CSPP1: variants seen among roughly 807,000 people sequenced by gnomAD.
CSPP1 encodes centrosome and spindle pole associated protein 1, also known as centrosome and spindle pole-associated protein 1.
Under a neutral mutation model 164.4 loss-of-function variants are expected in CSPP1, and 126 were observed. The ratio of observed to expected loss-of-function variants is 0.77; its 90% confidence interval spans 0.66 to 0.89. The LOEUF (loss-of-function observed/expected upper bound fraction) is 0.89, where lower values mean the gene tolerates loss of function less well. Ranked by LOEUF, CSPP1 falls within the 40% of genes least tolerant of loss-of-function variation. The probability of loss-of-function intolerance (pLI) is 0.00; values close to 1 mark genes in which losing one functional copy is unlikely to be tolerated. For missense variants in CSPP1, 1,395 were observed against 1,449.8 expected (o/e 0.96, Z 0.61); for synonymous variants, 472 against 476.7 (o/e 0.99, Z 0.13).
At position 67,103,079 on chromosome 8, in the gene CSPP1, T is replaced by A. The variant is rs757581354; in HGVS notation, c.966T>A (p.His322Gln). The change falls in exon 8 of 31, where the codon CAT becomes CAA. Residue 322 changes from histidine (H) to glutamine (Q), a missense_variant. His to Gln is a conservative substitution (Grantham distance 24). Coordinates refer to ENST00000678616, the MANE Select transcript of CSPP1 (RefSeq NM_001382391.1). ...GAGGGAATATGCCTCCTATGGAACATGATGGGGATGTTATAGAACAGTCAA... is the reference window on the plus strand; with the variant it reads ...GAGGGAATATGCCTCCTATGGAACAAGATGGGGATGTTATAGAACAGTCAA... ...NKRGNMPPME[H>Q]DGDVIEQSNI... 1.2e-6 allele frequency: 2 copies of A among 1,611,854 alleles called. No individual in the cohort carries two copies. Among genetic ancestry groups the A allele is most frequent in the Non-Finnish European group, 1.7e-6 (2 of 1,178,222 alleles).
At chr8:67,146,586 G>A (rs1224424792) in intron 17 of CSPP1, among the ~76,000 whole-genome samples, 1 of 152,072 alleles carries the variant, frequency 6.6e-6, no homozygotes, top group Non-Finnish European at 1.5e-5. Flanking sequence ...ATTTTGCTTA[G>A]CTCTCTGAAT....
intron 21 of CSPP1, among the ~76,000 whole-genome samples, chr8:67,159,486 T>TTATA (rs139631633): frequency 2.5e-4 from 36 of 142,032 alleles, no homozygotes; most frequent in African/African-American, 5.2e-4. Context: ...TGAGAGTGGT[T>TTATA]TATATATATA....
At chr8:67,066,420 C>T (rs1805559280) in intron 1 of CSPP1, among the ~76,000 whole-genome samples, 1 of 152,054 alleles carries the variant, frequency 6.6e-6, no homozygotes, top group African/African-American at 2.4e-5. Context: ...AAAGCTCTTT[C>T]ACTGGCCCCT....
intron 29 of CSPP1, among the ~76,000 whole-genome samples, chr8:67,193,088 C>A (rs1836855517): frequency 6.6e-6 from 1 of 152,116 alleles, no homozygotes; most frequent in African/African-American, 2.4e-5. Context: ...TCACAGTGTA[C>A]ATTTGAGGGC....
At chr8:67,138,798 G>C (rs1822891485) in intron 17 of CSPP1, among the ~76,000 whole-genome samples, 1 of 151,872 alleles carries the variant, frequency 6.6e-6, no homozygotes, top group Admixed American at 6.6e-5. Context: ...AGTTTAATTA[G>C]ATCCCATTTG....
rs1837807207 is a variant in CSPP1 at position 67,195,718 on chromosome 8, A to G, written c.*125A>G. The G allele has an allele frequency of 1.5e-6, 1 of 683,934 alleles. No homozygotes were observed. Among genetic ancestry groups the G allele is most frequent in the African/African-American group, 1.8e-5 (1 of 55,166 alleles). The allele number at this position is 683,934 out of a possible 1,614,324, so 42.4% of individuals were successfully genotyped here. ...CTTTTTTTCCATCATCTGTATATAA[A>G]ATTATTTTTATCATGATGTATATTA... is the stretch of plus-strand genomic sequence containing the variant. On this transcript the variant is annotated 3_prime_UTR_variant, in exon 31 of 31. Coordinates refer to ENST00000678616, the MANE Select transcript of CSPP1 (RefSeq NM_001382391.1).
chr8:67,132,699 G>T (rs1043545903), intron 16 of CSPP1, among the ~76,000 whole-genome samples: 1 of 152,130 alleles, frequency 6.6e-6, no homozygotes, highest in Non-Finnish European at 1.5e-5. Flanking sequence ...TAGGGAATGA[G>T]AACAGAGGGT....
At chr8:67,162,081 G>A (rs1418265150) in intron 22 of CSPP1, among the ~76,000 whole-genome samples, 166 bp downstream of exon 22, 1 of 152,168 alleles carries the variant, frequency 6.6e-6, no homozygotes, top group Non-Finnish European at 1.5e-5. Flanking sequence ...GTAACTGATA[G>A]TGCTTGGTGC....
chr8:67,065,748 C>T (rs1585753664), intron 1 of CSPP1, among the ~76,000 whole-genome samples: 1 of 152,176 alleles, frequency 6.6e-6, no homozygotes, highest in Non-Finnish European at 1.5e-5. Flanking sequence ...AGGCTGGTCT[C>T]GAACTCCTGA....
intron 23 of CSPP1, 82 bp from the exon 24 acceptor site, chr8:67,164,309 T>G: frequency 1.4e-6 from 1 of 695,702 alleles, no homozygotes; most frequent in Non-Finnish European, 2.6e-6. Flanking sequence ...TTTCACTTTA[T>G]TATTAGTCAG....
intron 16 of CSPP1, chr8:67,135,002 C>A (rs971780270): frequency 1.3e-5 from 2 of 152,190 alleles, no homozygotes; most frequent in Non-Finnish European, 1.5e-5. Flanking sequence ...ACATTGACTT[C>A]TCTTTACTAG....
chr8:67,163,930 C>T (rs1368466525), intron 23 of CSPP1, 132 bp downstream of exon 23: 2 of 650,166 alleles, frequency 3.1e-6, no homozygotes, highest in Non-Finnish European at 5.2e-6. Context: ...CATTCTCCAA[C>T]TTTCCCCTGG....
At chr8:67,122,924 T>G (rs1303712130) in intron 15 of CSPP1, among the ~76,000 whole-genome samples, 1 of 151,906 alleles carries the variant, frequency 6.6e-6, no homozygotes, top group Non-Finnish European at 1.5e-5. Flanking sequence ...TGATATACAG[T>G]CTTGCTCTGT....
At chr8:67,163,891 C>T (rs1339860953) in intron 23 of CSPP1, 93 bp downstream of exon 23, 11 of 997,270 alleles carry the variant, frequency 1.1e-5, no homozygotes, top group East Asian at 2.6e-5. Context: ...ATTGCAGAAA[C>T]AGTATAGAGC....
At chr8:67,185,261 T>G (rs1347248617) in intron 28 of CSPP1, among the ~76,000 whole-genome samples, 1 of 152,150 alleles carries the variant, frequency 6.6e-6, no homozygotes, top group Non-Finnish European at 1.5e-5. Flanking sequence ...CACCAGCCAA[T>G]GGAAGATTTG....
At position 67,176,367 on chromosome 8, in the gene CSPP1, GATAGC is replaced by G. The variant is rs543546472; in HGVS notation, c.3109+934_3109+938del. 8.5e-5 allele frequency among the ~76,000 whole-genome samples: 13 copies of G among 152,280 alleles called. No individual in the cohort carries two copies. The East Asian group carries it at 2.5e-3, about 29-fold the overall frequency. On this transcript the variant is annotated intron_variant, in intron 26 of 30. Transcript: ENST00000678616. ...TGAGGAAGATTTTTTGACTTCATGA[GATAGC>G]ATCACAGGAGTAAGTGATGCAGCAG...
Position 67,116,076 on chromosome 8 carries a change from T to A in CSPP1, c.1450T>A (p.Leu484Met). 6.2e-7 allele frequency: 1 copy of A among 1,614,134 alleles called. No homozygotes were observed. ...VHPVPSQNEDLRSGLSSALGE... is the reference protein window; with the variant it reads ...VHPVPSQNEDMRSGLSSALGE... The stretch of plus-strand genomic sequence containing the variant: ...TCCTGTTCCTTCTCAAAATGAAGAT[T>A]TGCGCAGTGGACTCAGCAGCGCCCT... Residue 484 changes from leucine (L) to methionine (M), a missense_variant, in exon 13 of 31, where the codon TTG becomes ATG. By Grantham distance (15) the Leu-to-Met change is conservative. Transcript: ENST00000678616.
intron 9 of CSPP1, among the ~76,000 whole-genome samples, chr8:67,107,986 T>TG (rs1423869056): frequency 2.7e-5 from 4 of 150,152 alleles, no homozygotes; most frequent in Admixed American, 1.3e-4. Context: ...TGACAAAGTT[T>TG]TTTTTTTTTT....
rs201503845 is a variant in CSPP1 at position 67,104,949 on chromosome 8, C to CATATATATAT, written c.1023-947_1023-938dup. Among the ~76,000 whole-genome samples, 105 of 83,190 alleles carry CATATATATAT rather than the reference C, an allele frequency of 1.3e-3. 1 individual carries two copies. Among genetic ancestry groups the CATATATATAT allele is most frequent in the Middle Eastern group, 7.6e-3 (1 of 132 alleles). The allele number at this position is 83,190 out of a possible 152,430, so 54.6% of individuals were successfully genotyped here. On this transcript the variant is annotated intron_variant, in intron 8 of 30. Coordinates refer to ENST00000678616, the MANE Select transcript of CSPP1 (RefSeq NM_001382391.1). The stretch of plus-strand genomic sequence containing the variant: ...GCCACTGCTCCCGGTCTTACATGCA[C>CATATATATAT]ATATATATATATATATATTTTTTTT...
Sources: gnomAD v4.1 joint callset for allele counts (sites outside exome capture counted in the v4.1 genomes callset) on GRCh38, gnomAD v4.1.1 for gene constraint, MANE v1.5 for transcripts, NCBI Gene and HGNC (gene_info 2026-07-23, HGNC 2026-07-21) for gene names.